GPHN: variants seen among roughly 807,000 people sequenced by gnomAD.
The protein encoded by GPHN is gephyrin.
A neutral mutation model predicts 95.5 loss-of-function variants in GPHN; 17 were observed. The ratio of observed to expected loss-of-function variants is 0.18; its 90% CI spans 0.12 to 0.27. The LOEUF (loss-of-function observed/expected upper bound fraction) is 0.27. GPHN is among the 10% of genes least tolerant of loss of function. The pLI is 1.00. For missense variants in GPHN, 660 were observed against 978.1 expected (o/e 0.67, Z 4.34); for synonymous variants, 320 against 322.5 (o/e 0.99, Z 0.08).
In GPHN at chr14:66,964,177, GAAT is replaced by G. The variant is rs537794430; in HGVS notation, c.829-1010_829-1008del. Among the ~76,000 whole-genome samples the G allele has an allele frequency of 1.3e-4, 20 of 152,056 alleles. 1 individual carries two copies. In the South Asian group the frequency reaches 3.7e-3, roughly 28 times the overall value. ...TAGTCTTTATGTTTGTATATTTTTA[GAAT>G]AATGATAATTACATTAGTCTTTACT... On this transcript the variant is annotated intron_variant, in intron 8 of 22. Coordinates refer to ENST00000478722, the MANE Select transcript of GPHN (RefSeq NM_020806.5).
the GPHN span, among the ~76,000 whole-genome samples, chr14:67,341,642 T>A: frequency 1.8e-4 from 27 of 151,774 alleles, no homozygotes; most frequent in Admixed American, 1.6e-3. Flanking sequence ...TACTGGGAAG[T>A]GAGGAGCCCC....
At chr14:67,417,031 A>T in the GPHN span, among the ~76,000 whole-genome samples, 1 of 152,236 alleles carries the variant, frequency 6.6e-6, no homozygotes, top group Non-Finnish European at 1.5e-5. Context: ...GTGTGCTTGA[A>T]TGTTGTGGTA....
intron 10 of GPHN, among the ~76,000 whole-genome samples, chr14:67,047,366 GTTTT>G (rs1196897917): frequency 9.2e-6 from 1 of 108,778 alleles, no homozygotes; most frequent in East Asian, 2.6e-4. Context: ...GTGTGTGTTT[GTTTT>G]TTTTTTTTTT....
At chr14:67,488,323 A>G in the GPHN span, among the ~76,000 whole-genome samples, 1 of 152,240 alleles carries the variant, frequency 6.6e-6, no homozygotes, top group African/African-American at 2.4e-5. Context: ...GAGAAGTGAA[A>G]GGGCAGGAGT....
intron 1 of GPHN, among the ~76,000 whole-genome samples, chr14:66,613,484 C>T (rs1427612698): frequency 1.3e-5 from 2 of 151,914 alleles, no homozygotes. Flanking sequence ...GTATGATTGC[C>T]AAAACAAGAG....
At chr14:66,766,802 A>C (rs1416253338) in intron 2 of GPHN, among the ~76,000 whole-genome samples, 1 of 152,082 alleles carries the variant, frequency 6.6e-6, no homozygotes, top group Non-Finnish European at 1.5e-5. Context: ...AACACACACA[A>C]AGCCAGGTAT....
chr14:66,770,966 G>A (rs191252586), intron 2 of GPHN, among the ~76,000 whole-genome samples: 111 of 152,150 alleles, frequency 7.3e-4, no homozygotes, highest in African/African-American at 2.3e-3. Flanking sequence ...AACATATCCC[G>A]TATAGATAAG....
rs80134029 is a variant in GPHN at position 66,611,250 on chromosome 14, T to C, written c.65-69857T>C. Reference sequence around the variant, plus strand: ...GTTAGAAGTTACATGAGGGCAGTTATGACTTCTGTTCACTAAGGTTAATTC... The same window carrying C: ...GTTAGAAGTTACATGAGGGCAGTTACGACTTCTGTTCACTAAGGTTAATTC... On this transcript the variant is annotated intron_variant, in intron 1 of 22. Coordinates refer to ENST00000478722, the MANE Select transcript of GPHN (RefSeq NM_020806.5). Among the ~76,000 whole-genome samples the C allele has an allele frequency of 1.8e-3, 271 of 152,284 alleles. 3 individuals are homozygous for C. Among genetic ancestry groups the C allele is most frequent in the South Asian group, 0.017 (84 of 4,826 alleles).
chr14:67,240,758 G>C, the GPHN span, among the ~76,000 whole-genome samples: 1 of 152,120 alleles, frequency 6.6e-6, no homozygotes, highest in Non-Finnish European at 1.5e-5. Flanking sequence ...GCTGATCTGC[G>C]TAACTCTGTC....
chr14:66,707,731 A>G (rs1450097414), intron 2 of GPHN, among the ~76,000 whole-genome samples: 2 of 152,148 alleles, frequency 1.3e-5, no homozygotes, highest in Non-Finnish European at 2.9e-5. Flanking sequence ...ACTGTGGCAC[A>G]TGTATACCTA....
intron 1 of GPHN, among the ~76,000 whole-genome samples, chr14:66,593,712 A>G (rs1487942352): frequency 1.3e-5 from 2 of 152,194 alleles, no homozygotes; most frequent in Non-Finnish European, 2.9e-5. Context: ...GCCCATAGTG[A>G]GTATTATGCT....
At chr14:67,253,052 A>T in the GPHN span, among the ~76,000 whole-genome samples, 1 of 152,348 alleles carries the variant, frequency 6.6e-6, no homozygotes, top group Admixed American at 6.5e-5. Flanking sequence ...GTGCAGTTAC[A>T]GTACTATCAC....
intron 1 of GPHN, among the ~76,000 whole-genome samples, chr14:66,663,344 T>C (rs1461779516): frequency 6.6e-6 from 1 of 151,972 alleles, no homozygotes; most frequent in African/African-American, 2.4e-5. Context: ...AAAAGAAAAA[T>C]TCCAGCCCAG....
At chr14:67,278,379 G>A in the GPHN span, among the ~76,000 whole-genome samples, 1 of 149,680 alleles carries the variant, frequency 6.7e-6, no homozygotes, top group Non-Finnish European at 1.5e-5. Flanking sequence ...TATAAAGACT[G>A]ATAACCCATG....
At chr14:67,734,798 AG>A in the GPHN span, among the ~76,000 whole-genome samples, 1 of 152,318 alleles carries the variant, frequency 6.6e-6, no homozygotes, top group South Asian at 2.1e-4. Context: ...GTTTTAGGAA[AG>A]GGGTGCTATT....
intron 6 of GPHN, among the ~76,000 whole-genome samples, chr14:66,918,166 G>T (rs968826496): frequency 1.3e-5 from 2 of 152,192 alleles, no homozygotes; most frequent in African/African-American, 2.4e-5. Context: ...GGGAGAAAGT[G>T]CATAGGGCAG....
the GPHN span, among the ~76,000 whole-genome samples, chr14:67,673,607 C>T: frequency 6.6e-6 from 1 of 152,226 alleles, no homozygotes; most frequent in African/African-American, 2.4e-5. Context: ...GAATTTCATT[C>T]TCACCAGTCA....
At chr14:67,094,169 T>C (rs1450362905) in intron 12 of GPHN, among the ~76,000 whole-genome samples, 1 of 152,128 alleles carries the variant, frequency 6.6e-6, no homozygotes, top group African/African-American at 2.4e-5. Context: ...GATAATTCCA[T>C]GGCAGATGAT....
At chr14:67,107,604 C>T (rs1404086037) in intron 13 of GPHN, among the ~76,000 whole-genome samples, 4 of 152,162 alleles carry the variant, frequency 2.6e-5, no homozygotes, top group Non-Finnish European at 5.9e-5. Context: ...AGCAGCAGCT[C>T]GGGTCACAGT....
Sources: gnomAD v4.1 joint callset for allele counts (sites outside exome capture counted in the v4.1 genomes callset) on GRCh38, gnomAD v4.1.1 for gene constraint, MANE v1.5 for transcripts, NCBI Gene and HGNC (gene_info 2026-07-23, HGNC 2026-07-21) for gene names.